The following OPCML variants were observed in gnomAD, a reference collection of about 807,000 sequenced individuals.
The protein encoded by OPCML is opioid binding protein/cell adhesion molecule like, also known as opioid-binding protein/cell adhesion molecule.
Under a neutral mutation model 37.8 loss-of-function variants are expected in OPCML, and 13 were observed. That is an observed-to-expected ratio of 0.34 (90% CI 0.22 to 0.55). The LOEUF is 0.55. OPCML is among the 20% of genes least tolerant of loss of function. OPCML has a pLI of 0.91. For missense variants in OPCML, 341 were observed against 435.6 expected (o/e 0.78, Z 1.93); for synonymous variants, 176 against 168.8 (o/e 1.04, Z -0.33).
intron 1 of OPCML, among the ~76,000 whole-genome samples, chr11:133,391,310 C>T (rs1164786872): frequency 6.6e-6 from 1 of 152,098 alleles, no homozygotes; most frequent in Non-Finnish European, 1.5e-5. Context: ...TGGGGAGGGC[C>T]GCCTGTCCCT....
intron 3 of OPCML, among the ~76,000 whole-genome samples, chr11:132,653,224 G>A (rs916895810): frequency 6.6e-6 from 1 of 152,048 alleles, no homozygotes; most frequent in Non-Finnish European, 1.5e-5. Flanking sequence ...AAAAATCTGG[G>A]TGATATCATT....
At chr11:132,820,606 C>T (rs1172344727) in intron 2 of OPCML, among the ~76,000 whole-genome samples, 5 of 152,132 alleles carry the variant, frequency 3.3e-5, no homozygotes, top group East Asian at 3.9e-4. Flanking sequence ...TGTGTGCCAT[C>T]GGAAATCAAG....
At chr11:133,120,786 C>G (rs1949408262) in intron 1 of OPCML, among the ~76,000 whole-genome samples, 1 of 152,168 alleles carries the variant, frequency 6.6e-6, no homozygotes, top group African/African-American at 2.4e-5. Flanking sequence ...ACATACATCT[C>G]AGAAGTTTTC....
chr11:132,430,293 A>G (rs983537865), intron 7 of OPCML, among the ~76,000 whole-genome samples: 4 of 151,926 alleles, frequency 2.6e-5, no homozygotes, highest in Admixed American at 6.6e-5. Context: ...TGGAGGGGGA[A>G]GAGGAGGGAG....
intron 1 of OPCML, among the ~76,000 whole-genome samples, chr11:133,108,523 T>C (rs1362651893): frequency 6.6e-6 from 1 of 152,102 alleles, no homozygotes; most frequent in Non-Finnish European, 1.5e-5. Flanking sequence ...GCGCTAGAGC[T>C]TTCCAGCGGG....
chr11:132,529,036 A>G, intron 4 of OPCML, 25 bp downstream of exon 4: 1 of 1,493,570 alleles, frequency 6.7e-7, no homozygotes, highest in Admixed American at 1.7e-5. Flanking sequence ...TACCTCTGAA[A>G]ACGTCCTCCA....
chr11:133,429,755 A>C (rs1946079703), intron 1 of OPCML, among the ~76,000 whole-genome samples: 1 of 152,180 alleles, frequency 6.6e-6, no homozygotes, highest in African/African-American at 2.4e-5. Flanking sequence ...AGCTGAGTTG[A>C]GATGACCTCA....
intron 4 of OPCML, among the ~76,000 whole-genome samples, chr11:132,523,232 T>A (rs182840285): frequency 6.6e-6 from 1 of 152,346 alleles, no homozygotes; most frequent in East Asian, 1.9e-4. Flanking sequence ...AACCTGAACA[T>A]CTACCAGAGT....
At chr11:133,289,594 CAAAA>C (rs1229577687) in intron 1 of OPCML, among the ~76,000 whole-genome samples, 2 of 52,302 alleles carry the variant, frequency 3.8e-5, no homozygotes, top group African/African-American at 7.5e-5. Flanking sequence ...GACTCCATCT[CAAAA>C]AAAAAAAAAA....
Position 132,436,646 on chromosome 11 carries a change from A to G in OPCML, c.764+13T>C. The stretch of plus-strand genomic sequence containing the variant: ...TCTGCTTCAGAACTGTCCAGGTGTC[A>G]TTTAAAAGGTACCTGGTTTCTTCCT... On this transcript the variant is annotated intron_variant, in intron 6 of 7. Transcript: ENST00000524381. 1 of 1,614,074 alleles carries G rather than the reference A, an allele frequency of 6.2e-7. No individual in the cohort carries two copies. Among genetic ancestry groups the G allele is most frequent in the Non-Finnish European group, 8.5e-7 (1 of 1,179,934 alleles).
At chr11:132,732,427 T>C (rs1278996496) in intron 2 of OPCML, among the ~76,000 whole-genome samples, 3 of 152,066 alleles carry the variant, frequency 2.0e-5, no homozygotes, top group African/African-American at 7.2e-5. Context: ...TGGGGAGGTA[T>C]TGATGGGTTT....
chr11:132,580,873 C>T (rs76607204), intron 3 of OPCML, among the ~76,000 whole-genome samples: 18,281 of 152,174 alleles, frequency 0.12, 1,630 homozygotes, highest in East Asian at 0.44. Flanking sequence ...GCCTTTCCAT[C>T]CTTCTTTTTA....
intron 2 of OPCML, among the ~76,000 whole-genome samples, chr11:132,895,984 G>A (rs1943825240): frequency 6.6e-6 from 1 of 152,190 alleles, no homozygotes; most frequent in South Asian, 2.1e-4. Context: ...CATACTGAGA[G>A]TGTGGGAATA....
At chr11:132,758,236 G>A (rs763809498) in intron 2 of OPCML, among the ~76,000 whole-genome samples, 5 of 152,176 alleles carry the variant, frequency 3.3e-5, no homozygotes, top group African/African-American at 9.7e-5. Flanking sequence ...GTCAGGTAAC[G>A]TGATGCCTCC....
chr11:132,862,613 C>A (rs1217134914), intron 2 of OPCML, among the ~76,000 whole-genome samples: 1 of 152,126 alleles, frequency 6.6e-6, no homozygotes, highest in African/African-American at 2.4e-5. Flanking sequence ...TGTGGCCCAG[C>A]ATCCTAGCTA....
rs112558159 is a variant in OPCML at position 132,499,148 on chromosome 11, G to A, written c.505+29913C>T. On this transcript the variant is annotated intron_variant, in intron 4 of 7. Coordinates refer to ENST00000524381, the MANE Select transcript of OPCML (RefSeq NM_001012393.5). ...AACCAAAACTGGACAAGGCCCCTAGGGACTAATGGTAGATATGTGATGATT... is the reference window on the plus strand; with the variant it reads ...AACCAAAACTGGACAAGGCCCCTAGAGACTAATGGTAGATATGTGATGATT... Among the ~76,000 whole-genome samples the A allele has an allele frequency of 9.4e-3, 1,425 of 152,284 alleles. 12 individuals carry two copies. Among genetic ancestry groups the A allele is most frequent in the African/African-American group, 0.032 (1,317 of 41,560 alleles).
chr11:132,510,231 C>A (rs2096265981), intron 4 of OPCML, among the ~76,000 whole-genome samples: 1 of 152,128 alleles, frequency 6.6e-6, no homozygotes, highest in Non-Finnish European at 1.5e-5. Context: ...TATCTGTACC[C>A]CCATCGTATC....
intron 4 of OPCML, among the ~76,000 whole-genome samples, chr11:132,495,329 T>C (rs1364443965): frequency 6.6e-6 from 1 of 152,198 alleles, no homozygotes; most frequent in Non-Finnish European, 1.5e-5. Flanking sequence ...TTAAAAGAGA[T>C]GTTCGAAACA....
intron 1 of OPCML, among the ~76,000 whole-genome samples, chr11:133,058,928 C>A (rs915010868): frequency 6.6e-6 from 1 of 152,222 alleles, no homozygotes; most frequent in African/African-American, 2.4e-5. Flanking sequence ...GCCTCACTGA[C>A]CTAGGCTGCC....
Sources: gnomAD v4.1 joint callset for allele counts (sites outside exome capture counted in the v4.1 genomes callset) on GRCh38, gnomAD v4.1.1 for gene constraint, MANE v1.5 for transcripts, NCBI Gene and HGNC (gene_info 2026-07-23, HGNC 2026-07-21) for gene names.